The following PRKCH variants were observed in gnomAD, a reference collection of about 807,000 sequenced individuals.
The protein encoded by PRKCH is protein kinase C eta type.
A neutral mutation model predicts 82.5 loss-of-function variants in PRKCH; 28 were observed. That is an observed-to-expected ratio of 0.34 (90% CI 0.25 to 0.47). The LOEUF (loss-of-function observed/expected upper bound fraction) is 0.47. Among genes scored for constraint, PRKCH ranks in the 20% least tolerant of loss-of-function variants. The pLI, the probability that PRKCH is intolerant of heterozygous loss-of-function variation, is 1.00. For missense variants in PRKCH, 705 were observed against 881.8 expected, an observed-to-expected ratio of 0.80 and a Z score of 2.54; for synonymous variants, 322 against 327.4, an observed-to-expected ratio of 0.98 and a Z score of 0.18.
intron 2 of PRKCH, among the ~76,000 whole-genome samples, chr14:61,421,257 A>G (rs140026103): frequency 6.0e-4 from 92 of 152,146 alleles, no homozygotes; most frequent in African/African-American, 2.1e-3. Flanking sequence ...AATATATACA[A>G]TCAGTTTCAG....
In PRKCH at chr14:61,456,891, A is replaced by T. The variant is rs112808268; in HGVS notation, c.961-285A>T. On this transcript the variant is annotated intron_variant, in intron 7 of 13. Transcript: ENST00000332981. ...CCGCAGAAGGCACCCAAGGGACCAC[A>T]CAAGGCATTGGTGTTTCCATGCACT... 1,626 of 306,712 alleles carry T rather than the reference A, an allele frequency of 5.3e-3. 21 individuals carry two copies. The highest frequency in any genetic ancestry group is 0.032 in the African/African-American group (1,508 of 46,758). The allele number at this position is 306,712 out of a possible 1,614,324, so 19.0% of individuals were successfully genotyped here.
chr14:61,263,481 C>G (rs536540860), intron 1 of PRKCH, among the ~76,000 whole-genome samples: 1 of 152,064 alleles, frequency 6.6e-6, no homozygotes, highest in Non-Finnish European at 1.5e-5. Flanking sequence ...AGTTGAGGCT[C>G]AGAGAAGTTG....
chr14:61,430,991 C>G (rs12435501), intron 2 of PRKCH, among the ~76,000 whole-genome samples: 1 of 152,020 alleles, frequency 6.6e-6, no homozygotes, highest in Non-Finnish European at 1.5e-5. Context: ...CCTGACCTCG[C>G]GATCCGCCCG....
At chr14:61,266,026 C>T (rs1387672902) in intron 1 of PRKCH, among the ~76,000 whole-genome samples, 3 of 151,840 alleles carry the variant, frequency 2.0e-5, no homozygotes, top group African/African-American at 4.8e-5. Context: ...ACCTGGGAGG[C>T]AGAAGTTGCA....
Position 61,302,693 on chromosome 14 carries a change from C to A in PRKCH, c.-19+115025C>A, listed in dbSNP as rs1477496992. 2.0e-5 allele frequency among the ~76,000 whole-genome samples: 3 copies of A among 152,154 alleles called. No individual in the cohort carries two copies. The East Asian group carries it at 5.8e-4, about 29-fold the overall frequency. ...CAAATATTTGGGAGTTTTAAGATATCTTATTGTTATTGATTTCTAATTTCA... is the reference window on the plus strand; with the variant it reads ...CAAATATTTGGGAGTTTTAAGATATATTATTGTTATTGATTTCTAATTTCA... On this transcript the variant is annotated intron_variant, in intron 1 of 3. Coordinates refer to the PRKCH transcript ENST00000555185.
intron 10 of PRKCH, among the ~76,000 whole-genome samples, chr14:61,502,373 T>C (rs1886957221): frequency 1.3e-5 from 2 of 152,146 alleles, no homozygotes; most frequent in Admixed American, 1.3e-4. Context: ...TCTTTTCTTT[T>C]ATCAGAAGGG....
chr14:61,352,693 A>AGGAAAG (rs71961091), intron 1 of PRKCH, among the ~76,000 whole-genome samples: 1 of 89,666 alleles, frequency 1.1e-5, no homozygotes, highest in South Asian at 3.7e-4. Context: ...AGGAAAGGAA[A>AGGAAAG]GAAAGAAAGA....
intron 1 of PRKCH, among the ~76,000 whole-genome samples, chr14:61,250,247 A>G (rs2044933106): frequency 7.3e-6 from 1 of 136,106 alleles, no homozygotes; most frequent in South Asian, 2.3e-4. Context: ...AAAAATAAAT[A>G]AATAAATAAA....
At chr14:61,209,686 A>T (rs994271403) in intron 1 of PRKCH, among the ~76,000 whole-genome samples, 3 of 152,108 alleles carry the variant, frequency 2.0e-5, no homozygotes, top group African/African-American at 7.2e-5. Flanking sequence ...TTTCTTTTAG[A>T]TGCAGGGGAT....
intron 1 of PRKCH, among the ~76,000 whole-genome samples, chr14:61,207,904 G>T (rs1398869586): frequency 6.6e-6 from 1 of 152,176 alleles, no homozygotes; most frequent in Non-Finnish European, 1.5e-5. Flanking sequence ...GCCCGGCAGC[G>T]AAGGCAGCTC....
At chr14:61,362,116 T>A (rs2046232164) in intron 1 of PRKCH, among the ~76,000 whole-genome samples, 1 of 152,164 alleles carries the variant, frequency 6.6e-6, no homozygotes, top group Non-Finnish European at 1.5e-5. Flanking sequence ...GCGGGAGGAT[T>A]GCTTGAGCTC....
rs141578090 is a variant in PRKCH, at chr14:61,513,243, A to G, written c.1434-15832A>G. Among the ~76,000 whole-genome samples, 139 of 152,292 alleles carry G rather than the reference A, an allele frequency of 9.1e-4. 3 individuals carry two copies. Among genetic ancestry groups the G allele is most frequent in the African/African-American group, 3.3e-3 (136 of 41,528 alleles). ...ATGCAACCAAAGTTTAAGGTAAGAA[A>G]CTCAGAGCTTGTTCAGTTCAGTTAG... On this transcript the variant is annotated intron_variant, in intron 10 of 13. Transcript: ENST00000332981.
At chr14:61,498,170 C>G (rs1164727355) in intron 10 of PRKCH, among the ~76,000 whole-genome samples, 1 of 152,062 alleles carries the variant, frequency 6.6e-6, no homozygotes, top group Non-Finnish European at 1.5e-5. Context: ...TGCGCCACCA[C>G]ACTCGGCTAA....
rs182530795 is a variant in PRKCH at position 61,261,489 on chromosome 14, G to A, written c.-19+73821G>A. Among the ~76,000 whole-genome samples, 95 of 152,274 alleles carry A rather than the reference G, an allele frequency of 6.2e-4. 3 individuals carry two copies. Among genetic ancestry groups the A allele is most frequent in the Non-Finnish European group, 8.8e-5 (6 of 68,014 alleles). ...TGGCTGCTGAGGCCAAGAGCAGAAA[G>A]GGACATCCACCCAGCTGGAGAACAT... On this transcript the variant is annotated intron_variant, in intron 1 of 3. Transcript: ENST00000555185.
intron 1 of PRKCH, among the ~76,000 whole-genome samples, chr14:61,351,392 G>T (rs78250910): frequency 0.012 from 1,847 of 152,306 alleles, 50 homozygotes; most frequent in African/African-American, 0.042. Context: ...AGTGCAGGTG[G>T]TGGTGTTAGG....
rs533095717 is a variant in PRKCH at position 61,347,409 on chromosome 14, T to G, written c.363+24945T>G. The stretch of plus-strand genomic sequence containing the variant: ...GCTTTCGTTCCTCCTTTACCTGCCT[T>G]CATCTGCTTTCTCTGGGCATTGGTA... On this transcript the variant is annotated intron_variant, in intron 1 of 13. Coordinates refer to ENST00000332981, the MANE Select transcript of PRKCH (RefSeq NM_006255.5). Among the ~76,000 whole-genome samples, 18 of 152,338 alleles carry G rather than the reference T, an allele frequency of 1.2e-4. No homozygotes were observed. In the South Asian group the frequency reaches 3.7e-3, roughly 32 times the overall value.
chr14:61,512,074 G>A (rs1887401200), intron 10 of PRKCH, among the ~76,000 whole-genome samples: 1 of 152,054 alleles, frequency 6.6e-6, no homozygotes, highest in Non-Finnish European at 1.5e-5. Context: ...GAGGAATAGA[G>A]TTCCTTTTCT....
intron 1 of PRKCH, among the ~76,000 whole-genome samples, chr14:61,244,219 A>G (rs2140068331): frequency 6.6e-6 from 1 of 152,310 alleles, no homozygotes; most frequent in Admixed American, 6.5e-5. Context: ...TTCCCAGACC[A>G]GCTGCGGTCA....
chr14:61,502,101 C>T (rs369279748), intron 10 of PRKCH, among the ~76,000 whole-genome samples: 1 of 139,056 alleles, frequency 7.2e-6, no homozygotes, highest in Non-Finnish European at 1.5e-5. Flanking sequence ...GAGTCTCACT[C>T]TCACTCAGGC....
Sources: allele counts gnomAD v4.1 joint callset (sites outside exome capture counted in the v4.1 genomes callset), GRCh38; gene constraint gnomAD v4.1.1; transcripts MANE v1.5; gene names NCBI Gene and HGNC (gene_info 2026-07-23, HGNC 2026-07-21).